The following ANK3 variants were observed in gnomAD, a reference collection of about 807,000 sequenced individuals.
The protein encoded by ANK3 is ankyrin 3.
A neutral mutation model predicts 370.9 loss-of-function variants in ANK3; 57 were observed. That is an observed-to-expected ratio of 0.15 (90% CI 0.12 to 0.19). The LOEUF is 0.19. Among genes scored for constraint, ANK3 ranks in the 10% least tolerant of loss-of-function variants. The probability of loss-of-function intolerance (pLI) is 1.00; values close to 1 mark genes in which losing one functional copy is unlikely to be tolerated. For synonymous variants in ANK3, 1,929 were observed against 1,946.3 expected (o/e 0.99, Z 0.23); for missense variants, 4,439 against 5,302.1 (o/e 0.84, Z 5.06).
At chr10:60,591,279 C>T (rs1372967390) in intron 2 of ANK3, among the ~76,000 whole-genome samples, 5 of 151,082 alleles carry the variant, frequency 3.3e-5, no homozygotes, top group Non-Finnish European at 7.4e-5. Flanking sequence ...ATCCAACATC[C>T]GTTATTTTTT....
chr10:60,710,600 A>G (rs2079690767), intron 1 of ANK3, among the ~76,000 whole-genome samples: 1 of 152,106 alleles, frequency 6.6e-6, no homozygotes, highest in Non-Finnish European at 1.5e-5. Context: ...AATCTCAAAA[A>G]TCTTTTCCAA....
chr10:60,627,423 T>TA (rs66643006), intron 1 of ANK3, among the ~76,000 whole-genome samples: 6 of 150,648 alleles, frequency 4.0e-5, no homozygotes, highest in African/African-American at 7.3e-5. Context: ...AAAATAAAAA[T>TA]AAAAAAAAGG....
At chr10:60,366,771 A>G (rs1292143420) in intron 1 of ANK3, among the ~76,000 whole-genome samples, 1 of 152,176 alleles carries the variant, frequency 6.6e-6, no homozygotes, top group Non-Finnish European at 1.5e-5. Context: ...CAGAGTTACA[A>G]GGATCAAATG....
At chr10:60,285,769 A>T (rs1462204622) in intron 1 of ANK3, among the ~76,000 whole-genome samples, 1 of 152,088 alleles carries the variant, frequency 6.6e-6, no homozygotes, top group Non-Finnish European at 1.5e-5. Context: ...AACAGCAAAA[A>T]CAGAAGTGTG....
intron 2 of ANK3, among the ~76,000 whole-genome samples, chr10:60,501,228 AGAG>A (rs1400253911): frequency 2.0e-5 from 3 of 152,166 alleles, no homozygotes; most frequent in African/African-American, 7.2e-5. Context: ...GCAGGAGGTG[AGAG>A]GAGGAGGACG....
Position 60,376,700 on chromosome 10 carries a change from T to C in ANK3, c.114+12725A>G, listed in dbSNP as rs560068659. ...CAGCAGTGTAAACACATATTTTAAA[T>C]GCATTCATGGTCACCCTCAAAGATG... On this transcript the variant is annotated intron_variant, in intron 1 of 43. Transcript: ENST00000280772. 1.2e-3 allele frequency among the ~76,000 whole-genome samples: 190 copies of C among 152,324 alleles called. 3 individuals carry two copies. The highest frequency in any genetic ancestry group is 1.0e-3 in the Non-Finnish European group (70 of 68,024).
At chr10:60,321,931 C>G (rs896704842) in intron 1 of ANK3, among the ~76,000 whole-genome samples, 3 of 152,216 alleles carry the variant, frequency 2.0e-5, no homozygotes, top group Admixed American at 2.0e-4. Flanking sequence ...AGAACTCTTG[C>G]GGTGGGGGGT....
intron 1 of ANK3, among the ~76,000 whole-genome samples, chr10:60,636,109 A>C (rs1457714290): frequency 6.6e-6 from 1 of 152,244 alleles, no homozygotes; most frequent in East Asian, 1.9e-4. Flanking sequence ...AATCATGCTT[A>C]TTAAAAGAAT....
intron 2 of ANK3, among the ~76,000 whole-genome samples, chr10:60,609,703 T>G (rs979892090): frequency 6.6e-6 from 1 of 152,188 alleles, no homozygotes; most frequent in Admixed American, 6.5e-5. Context: ...TAAGCATTCA[T>G]GGATACCTTA....
chr10:60,051,664 C>T (rs878932327), intron 42 of ANK3: 874 of 151,340 alleles, frequency 5.8e-3, no homozygotes, highest in Middle Eastern at 0.011. Context: ...ATGTTTTCTT[C>T]TTTTTTTTTT....
Position 60,300,436 on chromosome 10 carries a change from C to A in ANK3, c.115-20797G>T. On this transcript the variant is annotated intron_variant, in intron 1 of 43. Coordinates refer to ENST00000280772, the MANE Select transcript of ANK3 (RefSeq NM_020987.5). ...CATCACATCTAAAAATATCTGCCTT[C>A]GGAAATGTAAAGGTTTCCCCCACTT... The A allele has an allele frequency of 2.3e-6, 3 of 1,288,480 alleles. No individual in the cohort carries two copies. The Admixed American group carries it at 6.9e-5, about 30-fold the overall frequency. 79.8% of individuals were successfully genotyped at this position (1,288,480 alleles called of 1,614,324 possible).
At chr10:60,267,038 A>G (rs2097892029) in intron 5 of ANK3, among the ~76,000 whole-genome samples, 1 of 152,216 alleles carries the variant, frequency 6.6e-6, no homozygotes, top group Non-Finnish European at 1.5e-5. Context: ...AAACGTTTTA[A>G]AAACCACAAT....
intron 2 of ANK3, among the ~76,000 whole-genome samples, chr10:60,541,284 A>G (rs920055338): frequency 6.6e-6 from 1 of 151,896 alleles, no homozygotes; most frequent in Non-Finnish European, 1.5e-5. Context: ...CGGGATTTTC[A>G]TTTTCTGATT....
At chr10:60,327,989 T>C (rs138030037) in intron 1 of ANK3, among the ~76,000 whole-genome samples, 25 of 152,264 alleles carry the variant, frequency 1.6e-4, no homozygotes, top group Non-Finnish European at 2.6e-4. Flanking sequence ...TACATACTCT[T>C]GGGTTGACAT....
intron 2 of ANK3, among the ~76,000 whole-genome samples, chr10:60,418,394 A>C (rs1444395067): frequency 6.6e-6 from 1 of 152,042 alleles, no homozygotes; most frequent in African/African-American, 2.4e-5. Flanking sequence ...TTCCAGCAAA[A>C]GCCTTCCCTA....
chr10:60,120,801 A>T lies in ANK3; in HGVS notation c.2842-6470T>A, dbSNP rs114234112. Among the ~76,000 whole-genome samples, 620 of 152,336 alleles carry T rather than the reference A, an allele frequency of 4.1e-3. 5 individuals are homozygous for T. The highest frequency in any genetic ancestry group is 0.014 in the African/African-American group (589 of 41,586). ...TCTCACCTTAGTTAAAATAGCTTTTATCCAGAAGTTAGGCAATAACAAATT... is the reference window on the plus strand; with the variant it reads ...TCTCACCTTAGTTAAAATAGCTTTTTTCCAGAAGTTAGGCAATAACAAATT... On this transcript the variant is annotated intron_variant, in intron 25 of 43. Transcript: ENST00000280772.
intron 23 of ANK3, among the ~76,000 whole-genome samples, chr10:60,144,593 C>T (rs560502098): frequency 9.5e-4 from 145 of 152,304 alleles, no homozygotes; most frequent in African/African-American, 3.4e-3. Flanking sequence ...GCAATCTCCT[C>T]TTCCTAGTCC....
chr10:60,700,468 G>A (rs969445841), intron 1 of ANK3, among the ~76,000 whole-genome samples: 9 of 152,120 alleles, frequency 5.9e-5, no homozygotes, highest in Admixed American at 1.3e-4. Context: ...GGAATTAGAC[G>A]TCAATTCTGA....
intron 36 of ANK3, among the ~76,000 whole-genome samples, chr10:60,078,971 C>T (rs936476885): frequency 2.6e-5 from 4 of 152,238 alleles, no homozygotes; most frequent in East Asian, 1.9e-4. Flanking sequence ...TTTGCCTTAG[C>T]AACCAGAATC....
Sources: allele counts gnomAD v4.1 joint callset (sites outside exome capture counted in the v4.1 genomes callset), GRCh38; gene constraint gnomAD v4.1.1; transcripts MANE v1.5; gene names NCBI Gene and HGNC (gene_info 2026-07-23, HGNC 2026-07-21).